Variants in LIMS1 observed in about 807,000 individuals in gnomAD.
LIMS1 encodes the protein LIM and senescent cell antigen-like-containing domain protein 1.
In LIMS1, 18 loss-of-function variants were observed where a neutral mutation model predicts 44.1. The observed-to-expected ratio is 0.41, with a 90% CI of 0.28 to 0.61. The LOEUF is 0.61. LIMS1 is among the 20% of genes least tolerant of loss of function. LIMS1 has a pLI of 0.32. For synonymous variants in LIMS1, 93 were observed against 149.1 expected, an observed-to-expected ratio of 0.62 and a Z score of 2.74; for missense variants, 201 against 422.0, an observed-to-expected ratio of 0.48 and a Z score of 4.59.
At chr2:108,611,391 C>A (rs148292432) in intron 1 of LIMS1, among the ~76,000 whole-genome samples, 1 of 152,274 alleles carries the variant, frequency 6.6e-6, no homozygotes, top group African/African-American at 2.4e-5. Flanking sequence ...AAGGAATAAT[C>A]AGAGCCTTTA....
At chr2:108,643,739 A>G (rs778267625) in intron 1 of LIMS1, among the ~76,000 whole-genome samples, 5 of 152,154 alleles carry the variant, frequency 3.3e-5, no homozygotes, top group Non-Finnish European at 7.4e-5. Flanking sequence ...TCCCACCCCC[A>G]CGGAGCCAAA....
chr2:108,586,890 G>A (rs995276039), intron 1 of LIMS1, among the ~76,000 whole-genome samples: 3 of 152,154 alleles, frequency 2.0e-5, no homozygotes, highest in Admixed American at 2.0e-4. Flanking sequence ...CTCGAAAGCA[G>A]CCTTTTCACT....
At chr2:108,542,025 A>G (rs1365383086) in intron 1 of LIMS1, among the ~76,000 whole-genome samples, 1 of 152,228 alleles carries the variant, frequency 6.6e-6, no homozygotes, top group Non-Finnish European at 1.5e-5. Context: ...TAAATATCCA[A>G]AGAAAAACAA....
chr2:108,609,859 T>C (rs753135515), intron 1 of LIMS1, among the ~76,000 whole-genome samples: 4 of 152,024 alleles, frequency 2.6e-5, no homozygotes, highest in Non-Finnish European at 5.9e-5. Flanking sequence ...AAATATTTTA[T>C]TGGCCGGGCG....
intron 1 of LIMS1, among the ~76,000 whole-genome samples, chr2:108,645,527 C>G (rs554855655): frequency 6.6e-6 from 1 of 152,118 alleles, no homozygotes. Flanking sequence ...CGGTACGAGC[C>G]ACTGCAAAAA....
intron 1 of LIMS1, among the ~76,000 whole-genome samples, chr2:108,540,193 C>CTTTTTT (rs34386092): frequency 4.8e-4 from 45 of 93,334 alleles, no homozygotes; most frequent in East Asian, 1.2e-3. Context: ...GTACAGATTC[C>CTTTTTT]TTTTTTTTTT....
chr2:108,594,284 G>C (rs897251376), intron 1 of LIMS1, among the ~76,000 whole-genome samples: 1 of 152,162 alleles, frequency 6.6e-6, no homozygotes, highest in Admixed American at 6.5e-5. Context: ...AAGGAACAAA[G>C]AGGGTTGGAA....
chr2:108,594,559 A>C (rs2104696577), intron 1 of LIMS1, among the ~76,000 whole-genome samples: 1 of 152,226 alleles, frequency 6.6e-6, no homozygotes, highest in African/African-American at 2.4e-5. Flanking sequence ...CTTTCTACTG[A>C]GCGTATTCAA....
chr2:108,663,360 G>C lies in LIMS1; in HGVS notation c.192+3596G>C, dbSNP rs147844738. 5.1e-3 allele frequency among the ~76,000 whole-genome samples: 780 copies of C among 152,256 alleles called. 6 individuals carry two copies. The highest frequency in any genetic ancestry group is 0.02 in the Middle Eastern group (6 of 294). The stretch of plus-strand genomic sequence containing the variant: ...TGGTCTCGAACTCCTGAGCTCAAGT[G>C]ATTAGATGCCATTTACCCAGGGAAA... On this transcript the variant is annotated intron_variant, in intron 2 of 9. Transcript: ENST00000544547.
Position 108,612,471 on chromosome 2 carries a change from CT to C in LIMS1, c.33-47122del, listed in dbSNP as rs1271414469. Among the ~76,000 whole-genome samples the C allele has an allele frequency of 6.1e-3, 881 of 143,416 alleles. 7 individuals carry two copies. The highest frequency in any genetic ancestry group is 0.018 in the African/African-American group (725 of 39,400). The allele number at this position is 143,416 out of a possible 152,430, so 94.1% of individuals were successfully genotyped here. A position where few individuals can be genotyped will look rare whatever the true frequency, so the allele number is the denominator to read the frequency against. Reference sequence around the variant, plus strand: ...ATGAAGAAAACCTGTTAGAATCTGCCTTTTTTTTTTTTCCAGAACTGTTGGA... The same window carrying C: ...ATGAAGAAAACCTGTTAGAATCTGCCTTTTTTTTTTTCCAGAACTGTTGGA... On this transcript the variant is annotated intron_variant, in intron 1 of 9. Transcript: ENST00000544547.
At chr2:108,570,315 A>C (rs541236861) in intron 1 of LIMS1, among the ~76,000 whole-genome samples, 158 of 152,206 alleles carry the variant, frequency 1.0e-3, no homozygotes, top group African/African-American at 3.5e-3. Context: ...CTGTAATCCC[A>C]GCTACTCGGG....
chr2:108,673,245 C>A, intron 5 of LIMS1: 1 of 674,172 alleles, frequency 1.5e-6, no homozygotes, highest in Non-Finnish European at 2.5e-6. Context: ...TGTGTGTATA[C>A]AGTCCACATT....
rs1030561473 is a variant in LIMS1, at chr2:108,561,691, C to A, written c.32+27097C>A. Among the ~76,000 whole-genome samples the A allele has an allele frequency of 2.7e-5, 4 of 150,924 alleles. No individual in the cohort carries two copies. In the South Asian group the frequency reaches 8.4e-4, roughly 32 times the overall value. On this transcript the variant is annotated intron_variant, in intron 1 of 9. Coordinates refer to ENST00000544547, the Ensembl canonical transcript of LIMS1. ...TTGGTAATTCTCACAATATTTCAAACTTCTTTGTTATGATTATATGTTGTG... is the reference window on the plus strand; with the variant it reads ...TTGGTAATTCTCACAATATTTCAAAATTCTTTGTTATGATTATATGTTGTG...
chr2:108,662,929 T>A, intron 2 of LIMS1: 1 of 176,712 alleles, frequency 5.7e-6, no homozygotes, highest in Non-Finnish European at 1.1e-5. Flanking sequence ...TGCACTCACT[T>A]CCCCTTGAAA....
At chr2:108,608,795 C>T (rs1424475998) in intron 1 of LIMS1, among the ~76,000 whole-genome samples, 1 of 152,112 alleles carries the variant, frequency 6.6e-6, no homozygotes, top group East Asian at 1.9e-4. Context: ...CTGTCACTCA[C>T]CAGTTGGGAG....
In LIMS1 at chr2:108,597,400, T is replaced by C. The variant is rs1203242320; in HGVS notation, c.33-62205T>C. Among the ~76,000 whole-genome samples the C allele has an allele frequency of 9.2e-5, 14 of 152,216 alleles. No individual in the cohort carries two copies. In the East Asian group the frequency reaches 2.7e-3, roughly 29 times the overall value. On this transcript the variant is annotated intron_variant, in intron 1 of 9. Coordinates refer to ENST00000544547, the Ensembl canonical transcript of LIMS1. ...GATGATTGCATTTCTGAAGACTTTT[T>C]AAAAGCATTTTTTTGGATAGAAGAG...
At chr2:108,626,632 A>G (rs7565691) in intron 1 of LIMS1, among the ~76,000 whole-genome samples, 2,778 of 152,302 alleles carry the variant, frequency 0.018, 79 homozygotes, top group African/African-American at 0.063. Context: ...TCTGTTTCTC[A>G]TTGAATGAGT....
At chr2:108,535,733 T>G (rs1684112885) in intron 1 of LIMS1, among the ~76,000 whole-genome samples, 1 of 152,222 alleles carries the variant, frequency 6.6e-6, no homozygotes, top group Admixed American at 6.5e-5. Flanking sequence ...GAAAGCTTGC[T>G]TTTTATCATT....
intron 1 of LIMS1, among the ~76,000 whole-genome samples, chr2:108,637,236 G>A (rs1689339778): frequency 6.6e-6 from 1 of 151,202 alleles, no homozygotes; most frequent in South Asian, 2.1e-4. Flanking sequence ...GTGTCAAAAA[G>A]AAAATAACGG....
Sources: gnomAD v4.1 joint callset for allele counts (sites outside exome capture counted in the v4.1 genomes callset) on GRCh38, gnomAD v4.1.1 for gene constraint, MANE v1.5 for transcripts, NCBI Gene and HGNC (gene_info 2026-07-23, HGNC 2026-07-21) for gene names.